DNAH12: variants seen among roughly 807,000 people sequenced by gnomAD.
DNAH12 encodes the protein axonemal beta dynein heavy chain 12.
In DNAH12, 285 loss-of-function variants were observed where a neutral mutation model predicts 371.5. The ratio of observed to expected loss-of-function variants is 0.77; its 90% CI spans 0.70 to 0.85. The LOEUF is 0.85. Ranked by LOEUF, DNAH12 falls within the 40% of genes least tolerant of loss-of-function variation. The pLI, the probability that DNAH12 is intolerant of heterozygous loss-of-function variation, is 0.00. For missense variants in DNAH12, 3,611 were observed against 3,689.4 expected, an observed-to-expected ratio of 0.98 and a Z score of 0.55; for synonymous variants, 1,200 against 1,213.0, an observed-to-expected ratio of 0.99 and a Z score of 0.22.
chr3:57,501,451 C>T, intron 10 of DNAH12, 39 bp from the exon 11 acceptor site: 1 of 1,478,964 alleles, frequency 6.8e-7, no homozygotes, highest in East Asian at 2.4e-5. Flanking sequence ...CAATAATACC[C>T]TTTTTAGAAG....
chr3:57,361,444 C>CACTATACATA (rs1409626573), intron 58 of DNAH12, among the ~76,000 whole-genome samples: 1 of 116,722 alleles, frequency 8.6e-6, no homozygotes, highest in African/African-American at 4.2e-5. Context: ...CACACACACA[C>CACTATACATA]TATATATATA....
chr3:57,489,523 T>C lies in DNAH12; in HGVS notation c.1500A>G (p.Arg500=). ...ATTCTACTTACCATTCATTTTCTTT[T>C]CTATATTTTGAAGCTATGTCATTTA... is the stretch of plus-strand genomic sequence containing the variant. ...ILLNDIASKY[R]KENECICSEF... The change falls in exon 12 of 74, where the codon AGA becomes AGG. Residue 500 remains arginine (R), a synonymous_variant. Transcript: ENST00000495027. The C allele has an allele frequency of 6.6e-7, 1 of 1,513,000 alleles. No homozygotes were observed. The highest frequency in any genetic ancestry group is 1.3e-5 in the South Asian group (1 of 76,304). The allele number at this position is 1,513,000 out of a possible 1,614,324, so 93.7% of individuals were successfully genotyped here. A position where few individuals can be genotyped will look rare whatever the true frequency, so the allele number is the denominator to read the frequency against.
the DNAH12 span, among the ~76,000 whole-genome samples, chr3:57,550,028 G>A: frequency 1.3e-5 from 2 of 150,978 alleles, no homozygotes; most frequent in African/African-American, 4.9e-5. Flanking sequence ...AAACCATAAG[G>A]CCAGGCATGG....
At position 57,528,069 on chromosome 3, in the gene DNAH12, C is replaced by T. The variant is rs537202512; in HGVS notation, c.171-4185G>A. 1.4e-3 allele frequency among the ~76,000 whole-genome samples: 220 copies of T among 152,022 alleles called. 1 individual carries two copies. Among genetic ancestry groups the T allele is most frequent in the African/African-American group, 5.1e-3 (210 of 41,452 alleles). On this transcript the variant is annotated intron_variant, in intron 2 of 73. Transcript: ENST00000495027. Reference sequence around the variant, plus strand: ...TTGAGACAGAGTTTCGCTCTTGTTGCCCAGGCGGGAGGGCAATGGTGCAAT... The same window carrying T: ...TTGAGACAGAGTTTCGCTCTTGTTGTCCAGGCGGGAGGGCAATGGTGCAAT...
chr3:57,482,495 A>T (rs1409445623), intron 13 of DNAH12, among the ~76,000 whole-genome samples: 2 of 152,088 alleles, frequency 1.3e-5, no homozygotes, highest in Admixed American at 6.5e-5. Context: ...TAGTTCAACC[A>T]TTGTGGAATT....
At chr3:57,535,637 G>A (rs1014247930) in intron 2 of DNAH12, among the ~76,000 whole-genome samples, 2 of 152,124 alleles carry the variant, frequency 1.3e-5, no homozygotes, top group African/African-American at 4.8e-5. Flanking sequence ...CCGCCTCCCG[G>A]GTTCAAGTGA....
chr3:57,507,689 T>G lies in DNAH12; in HGVS notation c.851A>C (p.Lys284Thr). The change falls in exon 8 of 74, where the codon AAA becomes ACA. Residue 284 changes from lysine (K) to threonine (T), a missense_variant. Around this residue, in one of 3 missense-constraint regions of DNAH12, gnomAD observed 1,314 missense variants for 1,398.7 expected, o/e 0.94. Transcript: ENST00000495027. ...KEALEGVKPE[K>T]LDAFYSCVST... ...AACACAGCTATAAAATGCATCCAAT[T>G]TTTCAGGTTTAACACCTTCTAGTGC... 1 of 1,610,050 alleles carries G rather than the reference T, an allele frequency of 6.2e-7. No individual in the cohort carries two copies. The highest frequency in any genetic ancestry group is 8.5e-7 in the Non-Finnish European group (1 of 1,179,434).
At chr3:57,335,348 G>C (rs2062197957) in intron 60 of DNAH12, among the ~76,000 whole-genome samples, 1 of 152,156 alleles carries the variant, frequency 6.6e-6, no homozygotes, top group Non-Finnish European at 1.5e-5. Context: ...TGTGAGCAGA[G>C]GAGGAAGATG....
chr3:57,300,237 C>T lies in DNAH12; in HGVS notation c.11394+1498G>A, dbSNP rs552616059. On this transcript the variant is annotated intron_variant, in intron 70 of 73. Transcript: ENST00000495027. ...TGGTAAATTGTTTTACTGACCATGA[C>T]GCTGGCCCCAGTCAGTTGCACCCAA... Among the ~76,000 whole-genome samples the T allele has an allele frequency of 7.2e-5, 11 of 152,230 alleles. No homozygotes were observed. The East Asian group carries it at 1.5e-3, about 21-fold the overall frequency.
At chr3:57,322,128 T>C (rs938135817) in intron 65 of DNAH12, among the ~76,000 whole-genome samples, 2 of 152,184 alleles carry the variant, frequency 1.3e-5, no homozygotes, top group African/African-American at 4.8e-5. Flanking sequence ...TCAACAAATA[T>C]TTATTTCGAT....
chr3:57,417,558 G>A (rs1056291280), intron 37 of DNAH12, among the ~76,000 whole-genome samples: 5 of 152,176 alleles, frequency 3.3e-5, no homozygotes, highest in Admixed American at 2.0e-4. Flanking sequence ...CAGAGAATCT[G>A]TGAACTTGAA....
At chr3:57,550,672 C>T in the DNAH12 span, among the ~76,000 whole-genome samples, 1 of 151,588 alleles carries the variant, frequency 6.6e-6, no homozygotes, top group Non-Finnish European at 1.5e-5. Flanking sequence ...ACCACGACGC[C>T]CAGCTAAATT....
rs573229213 is a variant in DNAH12, at chr3:57,418,060, G to A, written c.5714+1307C>T. Among the ~76,000 whole-genome samples the A allele has an allele frequency of 7.1e-4, 108 of 152,168 alleles. 1 individual carries two copies. The highest frequency in any genetic ancestry group is 1.5e-3 in the Non-Finnish European group (100 of 68,004). On this transcript the variant is annotated intron_variant, in intron 37 of 73. Transcript: ENST00000495027. The stretch of plus-strand genomic sequence containing the variant: ...CCAGCTACTCAGGAGGCTGAGGTAG[G>A]AGAAGTGCTTGAACCCAGGAGGCAG...
intron 62 of DNAH12, among the ~76,000 whole-genome samples, chr3:57,330,135 C>CA (rs2062058482): frequency 6.6e-6 from 1 of 151,766 alleles, no homozygotes; most frequent in African/African-American, 2.4e-5. Context: ...CTAGTTCAAC[C>CA]ATTGTGGAAG....
At position 57,519,585 on chromosome 3, in the gene DNAH12, G is replaced by A. The variant is rs2068333405; in HGVS notation, c.279+3998C>T. 1.3e-5 allele frequency: 10 copies of A among 768,018 alleles called. No individual in the cohort carries two copies. In the Admixed American group the frequency reaches 1.9e-4, roughly 15 times the overall value. 47.6% of individuals were successfully genotyped at this position (768,018 alleles called of 1,614,324 possible). On this transcript the variant is annotated intron_variant, in intron 4 of 73. Transcript: ENST00000495027. ...TCCTATTTGAAGAAGTAATCCCCTG[G>A]AGTGTTCTAGCCTTTGAAGGGCACT...
rs4681732 is a variant in DNAH12 at position 57,428,473 on chromosome 3, T to G, written c.5253+160A>C. On this transcript the variant is annotated intron_variant, in intron 34 of 73. Transcript: ENST00000495027. ...CTGGAATAATTCAACCCCTGAGTTATGCAGCTATAACTTAAGCAATATAAA... is the reference window on the plus strand; with the variant it reads ...CTGGAATAATTCAACCCCTGAGTTAGGCAGCTATAACTTAAGCAATATAAA... 2.0e-6 allele frequency: 3 copies of G among 1,535,006 alleles called. No homozygotes were observed. The African/African-American group carries it at 4.2e-5, about 21-fold the overall frequency.
intron 42 of DNAH12, 123 bp downstream of exon 42, chr3:57,404,846 T>C: frequency 1.2e-6 from 1 of 855,092 alleles, no homozygotes; most frequent in African/African-American, 1.8e-5. Context: ...TTATGTTTTA[T>C]GCTGGATAAT....
At chr3:57,448,234 G>A (rs1385649417) in intron 25 of DNAH12, among the ~76,000 whole-genome samples, 5 of 152,100 alleles carry the variant, frequency 3.3e-5, no homozygotes, top group African/African-American at 4.8e-5. Context: ...TCTGATGGTC[G>A]GATGTGTTGG....
intron 43 of DNAH12, among the ~76,000 whole-genome samples, chr3:57,399,157 G>T (rs1044719780): frequency 6.6e-6 from 1 of 151,178 alleles, no homozygotes; most frequent in Non-Finnish European, 1.5e-5. Context: ...TAACTACAAA[G>T]AAAACATAGA....
Sources: allele counts gnomAD v4.1 joint callset (sites outside exome capture counted in the v4.1 genomes callset), GRCh38; gene constraint gnomAD v4.1.1; regional missense constraint gnomAD v4.1.1; transcripts MANE v1.5; gene names NCBI Gene and HGNC (gene_info 2026-07-23, HGNC 2026-07-21).